Variants in NFYC observed in about 807,000 individuals in gnomAD.
The protein encoded by NFYC is nuclear transcription factor Y subunit gamma, also known as CAAT box DNA-binding protein subunit C.
A neutral mutation model predicts 53.1 loss-of-function variants in NFYC; 25 were observed. That is an observed-to-expected ratio of 0.47 (90% CI 0.34 to 0.66). The LOEUF (loss-of-function observed/expected upper bound fraction) is 0.66. NFYC is among the 30% of genes least tolerant of loss of function. The pLI is 0.01. For missense variants in NFYC, 260 were observed against 422.7 expected (o/e 0.62, Z 3.38); for synonymous variants, 145 against 152.6 (o/e 0.95, Z 0.37).
chr1:40,758,705 CCTT>C (rs769182571), intron 6 of NFYC, among the ~76,000 whole-genome samples: 1 of 152,188 alleles, frequency 6.6e-6, no homozygotes, highest in Non-Finnish European at 1.5e-5. Flanking sequence ...GTTGCATACT[CCTT>C]CTCCCCGTCA....
chr1:40,749,636 A>T lies in NFYC; in HGVS notation c.241A>T (p.Thr81Ser). Reference protein sequence around the residue: ...KAAQIFITELTLRAWIHTEDN... With the variant: ...KAAQIFITELSLRAWIHTEDN... ...AGCCCAGATTTTTATCACAGAGTTGACTCTTCGAGCCTGGATTCACACAGA... is the reference window on the plus strand; with the variant it reads ...AGCCCAGATTTTTATCACAGAGTTGTCTCTTCGAGCCTGGATTCACACAGA... The change falls in exon 4 of 10, where the codon ACT (threonine) becomes TCT (serine). Residue 81 changes from threonine to serine, a missense_variant. Thr to Ser is a moderately conservative substitution (Grantham distance 58). Coordinates refer to ENST00000447388, the MANE Select transcript of NFYC (RefSeq NM_014223.5). 1 of 1,613,996 alleles carries T rather than the reference A, an allele frequency of 6.2e-7. No individual in the cohort carries two copies.
rs116824577 is a variant in NFYC at position 40,693,007 on chromosome 1, T to C, written c.-9+1140T>C. Reference sequence around the variant, plus strand: ...ACATTAGCAAATATTAGGTAGTTGGTAGTTATTTGTTGAGTAAATATTGTT... The same window carrying C: ...ACATTAGCAAATATTAGGTAGTTGGCAGTTATTTGTTGAGTAAATATTGTT... On this transcript the variant is annotated intron_variant, in intron 1 of 9. Coordinates refer to ENST00000447388, the MANE Select transcript of NFYC (RefSeq NM_014223.5). Among the ~76,000 whole-genome samples, 758 of 152,278 alleles carry C rather than the reference T, an allele frequency of 5.0e-3. 5 individuals are homozygous for C. Among genetic ancestry groups the C allele is most frequent in the African/African-American group, 0.018 (734 of 41,540 alleles).
At chr1:40,725,293 TC>T (rs1644470625) in intron 1 of NFYC, among the ~76,000 whole-genome samples, 1 of 152,166 alleles carries the variant, frequency 6.6e-6, no homozygotes, top group Non-Finnish European at 1.5e-5. Flanking sequence ...GTGTAGGACT[TC>T]CCCACCAAAC....
At chr1:40,705,895 G>A (rs1643670857) in intron 1 of NFYC, among the ~76,000 whole-genome samples, 1 of 152,042 alleles carries the variant, frequency 6.6e-6, no homozygotes, top group South Asian at 2.1e-4. Flanking sequence ...ACAGGCGTGT[G>A]CCACCACACC....
rs530348029 is a variant in NFYC at position 40,737,901 on chromosome 1, C to CTT, written c.-8-917_-8-916dup. Among the ~76,000 whole-genome samples, 219 of 123,132 alleles carry CTT rather than the reference C, an allele frequency of 1.8e-3. 4 individuals are homozygous for CTT. Among genetic ancestry groups the CTT allele is most frequent in the African/African-American group, 6.4e-3 (204 of 31,908 alleles). 80.8% of individuals were successfully genotyped at this position (123,132 alleles called of 152,430 possible). A position where few individuals can be genotyped will look rare whatever the true frequency, so the allele number is the denominator to read the frequency against. ...AGAAGAAACTTAGCGTGCTCTCTCT[C>CTT]TTTTTTTTTTTTTTTTTTTGAGACG... On this transcript the variant is annotated intron_variant, in intron 1 of 9. Coordinates refer to ENST00000447388, the MANE Select transcript of NFYC (RefSeq NM_014223.5).
chr1:40,729,427 C>G (rs1183993400), intron 1 of NFYC, among the ~76,000 whole-genome samples: 1 of 152,214 alleles, frequency 6.6e-6, no homozygotes, highest in Non-Finnish European at 1.5e-5. Context: ...CCTCACCTCT[C>G]TCAGCCTTCA....
chr1:40,766,774 C>T (rs770514684), intron 8 of NFYC, 71 bp downstream of exon 8: 30 of 1,522,348 alleles, frequency 2.0e-5, no homozygotes, highest in Non-Finnish European at 2.7e-5. Flanking sequence ...GAAAGGAGCG[C>T]TCAGCACACA....
intron 1 of NFYC, among the ~76,000 whole-genome samples, chr1:40,719,423 G>C (rs867059145): frequency 1.1e-4 from 16 of 152,150 alleles, no homozygotes; most frequent in African/African-American, 3.6e-4. Context: ...CTGGGCTAAG[G>C]CTCTTCTTCT....
chr1:40,757,190 CA>C (rs1448085539), intron 5 of NFYC: 3 of 264,528 alleles, frequency 1.1e-5, no homozygotes, highest in Non-Finnish European at 2.6e-5. Context: ...TTGTCCCAGG[CA>C]GGGGCACCAT....
At chr1:40,705,757 A>T (rs1557743106) in intron 1 of NFYC, among the ~76,000 whole-genome samples, 1 of 152,056 alleles carries the variant, frequency 6.6e-6, no homozygotes, top group Non-Finnish European at 1.5e-5. Flanking sequence ...TTATTTATTT[A>T]TTTACTTGAG....
At chr1:40,752,367 A>G (rs879593385) in intron 4 of NFYC, among the ~76,000 whole-genome samples, 1 of 152,172 alleles carries the variant, frequency 6.6e-6, no homozygotes, top group Non-Finnish European at 1.5e-5. Flanking sequence ...AATCTTTAGT[A>G]AAGTACACAA....
intron 7 of NFYC, chr1:40,766,257 C>A: frequency 4.4e-6 from 1 of 226,916 alleles, no homozygotes; most frequent in Non-Finnish European, 8.7e-6. Context: ...TGATGTCAGT[C>A]AGATAAATTC....
rs145585964 is a variant in NFYC, at chr1:40,750,942, T to C, written c.291+1256T>C. On this transcript the variant is annotated intron_variant, in intron 4 of 9. Transcript: ENST00000447388. ...GGAGTGTCTGAAACTCATATATTGC[T>C]GGTCAGAATCTAAAGTGGTCAGTCA... Among the ~76,000 whole-genome samples the C allele has an allele frequency of 4.0e-3, 606 of 152,338 alleles. 2 individuals are homozygous for C. Among genetic ancestry groups the C allele is most frequent in the Non-Finnish European group, 6.2e-3 (423 of 68,036 alleles).
intron 1 of NFYC, 118 bp downstream of exon 1, chr1:40,691,985 C>T (rs899179044): frequency 1.3e-5 from 4 of 301,636 alleles, no homozygotes; most frequent in Non-Finnish European, 6.6e-6. Context: ...GCTGCTGTAG[C>T]TCGGTCCGTC....
At chr1:40,713,351 C>T (rs1304223291) in intron 1 of NFYC, among the ~76,000 whole-genome samples, 2 of 152,232 alleles carry the variant, frequency 1.3e-5, no homozygotes. Context: ...AAAATTGATA[C>T]TGACTTTACC....
chr1:40,739,002 C>A (rs753749632), intron 2 of NFYC, 54 bp downstream of exon 2: 53 of 1,309,812 alleles, frequency 4.0e-5, no homozygotes, highest in Non-Finnish European at 5.7e-5. Flanking sequence ...ATAAAGAGCT[C>A]TGGGAAATTA....
At chr1:40,715,959 G>C (rs1027691467) in intron 1 of NFYC, among the ~76,000 whole-genome samples, 2 of 152,168 alleles carry the variant, frequency 1.3e-5, no homozygotes, top group Non-Finnish European at 2.9e-5. Context: ...AAGTACTACC[G>C]TTTTGGTCTG....
intron 1 of NFYC, among the ~76,000 whole-genome samples, chr1:40,702,872 A>G (rs1231423322): frequency 6.6e-6 from 1 of 151,996 alleles, no homozygotes; most frequent in Non-Finnish European, 1.5e-5. Flanking sequence ...GCCGGAGTGC[A>G]GTGGCATGAT....
chr1:40,766,921 C>T (rs1252562093), intron 8 of NFYC: 1 of 1,552,140 alleles, frequency 6.4e-7, no homozygotes, highest in South Asian at 1.2e-5. Context: ...TCTCAAGGGG[C>T]AAAGAAATGC....
Sources: allele counts gnomAD v4.1 joint callset (sites outside exome capture counted in the v4.1 genomes callset), GRCh38; gene constraint gnomAD v4.1.1; transcripts MANE v1.5; gene names NCBI Gene and HGNC (gene_info 2026-07-23, HGNC 2026-07-21).